CTXND2: variants seen among roughly 807,000 people sequenced by gnomAD.
The protein encoded by CTXND2 is cortexin domain containing 2.
intron 1 of CTXND2, among the ~76,000 whole-genome samples, chr1:150,900,743 T>C (rs756588994): frequency 2.0e-5 from 3 of 152,092 alleles, no homozygotes; most frequent in Non-Finnish European, 4.4e-5. Flanking sequence ...ATAAACAATA[T>C]TTAAAAATCG....
intron 1 of CTXND2, among the ~76,000 whole-genome samples, chr1:150,895,990 AT>A (rs1428732936): frequency 6.6e-6 from 1 of 152,050 alleles, no homozygotes; most frequent in Non-Finnish European, 1.5e-5. Flanking sequence ...GCTTCTCTTG[AT>A]TTCTGTCTGT....
chr1:150,907,443 G>C (rs949015507), intron 1 of CTXND2, among the ~76,000 whole-genome samples: 1 of 152,146 alleles, frequency 6.6e-6, no homozygotes, highest in Non-Finnish European at 1.5e-5. Flanking sequence ...TTTGTGACTT[G>C]TTTCTTTCAC....
exon 2 of CTXND2, chr1:150,912,651 A>C (rs1277867304): frequency 5.1e-6 from 2 of 393,956 alleles, no homozygotes; most frequent in Non-Finnish European, 8.9e-6. Flanking sequence ...TGGCTACTAA[A>C]GTGAGATAAA....
Position 150,897,964 on chromosome 1 carries a change from A to G in CTXND2, c.-74+10651A>G, listed in dbSNP as rs1240471499. ...AGCAGTTTAGCTCTGCATCATCCCA[A>G]TTAACTCTTTACCAAACAAGATTTT... On this transcript the variant is annotated intron_variant, in intron 1 of 1. Coordinates refer to ENST00000636087, the Ensembl canonical transcript of CTXND2. Among the ~76,000 whole-genome samples the G allele has an allele frequency of 3.9e-5, 6 of 152,178 alleles. No individual in the cohort carries two copies. In the East Asian group the frequency reaches 1.2e-3, roughly 29 times the overall value.
chr1:150,904,546 A>G (rs1352042625), intron 1 of CTXND2, among the ~76,000 whole-genome samples: 1 of 152,230 alleles, frequency 6.6e-6, no homozygotes, highest in Non-Finnish European at 1.5e-5. Flanking sequence ...ATTTAGATTT[A>G]TATAACTGGT....
At position 150,889,378 on chromosome 1, in the gene CTXND2, C is replaced by T. The variant is rs587739420; in HGVS notation, c.-74+2065C>T. On this transcript the variant is annotated intron_variant, in intron 1 of 1. Transcript: ENST00000636087. ...TCGCACCACTGCACTCCAGCCTGGG[C>T]GACACAGCAAGACTCTGTCTCAAAA... Among the ~76,000 whole-genome samples the T allele has an allele frequency of 7.6e-5, 11 of 144,236 alleles. No homozygotes were observed. The South Asian group carries it at 1.5e-3, about 20-fold the overall frequency. The allele number at this position is 144,236 out of a possible 152,430, so 94.6% of individuals were successfully genotyped here. A position where few individuals can be genotyped will look rare whatever the true frequency, so the allele number is the denominator to read the frequency against.
At chr1:150,909,896 A>C (rs1295407337) in intron 1 of CTXND2, among the ~76,000 whole-genome samples, 3 of 152,156 alleles carry the variant, frequency 2.0e-5, no homozygotes, top group Non-Finnish European at 4.4e-5. Context: ...GAAGAAATGT[A>C]ACAATGTGTA....
chr1:150,890,419 G>A, intron 1 of CTXND2, among the ~76,000 whole-genome samples: 1 of 152,202 alleles, frequency 6.6e-6, no homozygotes, highest in East Asian at 1.9e-4. Flanking sequence ...CACACAAGGA[G>A]CTCAAGCAGG....
chr1:150,900,783 A>G (rs1669004557), intron 1 of CTXND2, among the ~76,000 whole-genome samples: 1 of 152,228 alleles, frequency 6.6e-6, no homozygotes, highest in Admixed American at 6.5e-5. Flanking sequence ...CATTCAATAG[A>G]AAAAGAGACA....
At chr1:150,905,701 A>G (rs1669130968) in intron 1 of CTXND2, among the ~76,000 whole-genome samples, 1 of 152,024 alleles carries the variant, frequency 6.6e-6, no homozygotes, top group African/African-American at 2.4e-5. Context: ...AGTATATATA[A>G]AGAATAAGGC....
chr1:150,889,666 G>A (rs1203407645), intron 1 of CTXND2, among the ~76,000 whole-genome samples: 1 of 151,934 alleles, frequency 6.6e-6, no homozygotes, highest in African/African-American at 2.4e-5. Context: ...TCACCCTATA[G>A]TGTGTGTTAG....
chr1:150,910,827 C>G (rs1669242506), intron 1 of CTXND2, among the ~76,000 whole-genome samples: 1 of 150,978 alleles, frequency 6.6e-6, no homozygotes, highest in African/African-American at 2.4e-5. Flanking sequence ...TTTTTTGAGA[C>G]AGAGTCTCGC....
In CTXND2 at chr1:150,902,220, T is replaced by C. The variant is rs1198931123; in HGVS notation, c.-73-10022T>C. Among the ~76,000 whole-genome samples, 6 of 152,068 alleles carry C rather than the reference T, an allele frequency of 3.9e-5. No homozygotes were observed. In the East Asian group the frequency reaches 1.2e-3, roughly 29 times the overall value. On this transcript the variant is annotated intron_variant, in intron 1 of 1. Transcript: ENST00000636087. ...ATTGAGACCATCCTGGATAACACAGTGAAACCCCGTCTCTACTAAAAATAT... is the reference window on the plus strand; with the variant it reads ...ATTGAGACCATCCTGGATAACACAGCGAAACCCCGTCTCTACTAAAAATAT...
intron 1 of CTXND2, among the ~76,000 whole-genome samples, chr1:150,900,174 T>C (rs587714045): frequency 3.3e-5 from 5 of 152,308 alleles, no homozygotes; most frequent in Admixed American, 3.3e-4. Flanking sequence ...TCTTTGGGTC[T>C]GCACTACCTT....
In CTXND2 at chr1:150,908,581, T is replaced by G. The variant is rs145947983; in HGVS notation, c.-73-3661T>G. Among the ~76,000 whole-genome samples, 7 of 152,248 alleles carry G rather than the reference T, an allele frequency of 4.6e-5. No individual in the cohort carries two copies. The East Asian group carries it at 9.7e-4, about 21-fold the overall frequency. On this transcript the variant is annotated intron_variant, in intron 1 of 1. Transcript: ENST00000636087. ...CCTTATGCAGAAAAAGAAATTTCTA[T>G]TCATATCCTTTGCCTAATTTTTAAT...
chr1:150,906,120 A>G (rs1669141706), intron 1 of CTXND2, among the ~76,000 whole-genome samples: 1 of 151,916 alleles, frequency 6.6e-6, no homozygotes, highest in Non-Finnish European at 1.5e-5. Flanking sequence ...GCATCATAGT[A>G]AGGCCTCGTC....
At chr1:150,904,435 G>A (rs1011278240) in intron 1 of CTXND2, among the ~76,000 whole-genome samples, 1 of 152,126 alleles carries the variant, frequency 6.6e-6, no homozygotes, top group African/African-American at 2.4e-5. Context: ...TGCTATCACT[G>A]TTTACCCCTT....
At chr1:150,912,292 A>C in exon 2 of CTXND2, 1 of 398,604 alleles carries the variant, frequency 2.5e-6, no homozygotes, top group Non-Finnish European at 4.4e-6. Flanking sequence ...GAGCTGGACA[A>C]CAGTAACGAG....
intron 1 of CTXND2, among the ~76,000 whole-genome samples, chr1:150,890,177 G>A (rs1200277385): frequency 1.3e-5 from 2 of 152,066 alleles, no homozygotes; most frequent in Non-Finnish European, 2.9e-5. Context: ...GTAGAAAAAG[G>A]GTAGAGTGGT....
Sources: allele counts gnomAD v4.1 joint callset (sites outside exome capture counted in the v4.1 genomes callset), GRCh38; gene constraint gnomAD v4.1.1; transcripts MANE v1.5; gene names NCBI Gene and HGNC (gene_info 2026-07-23, HGNC 2026-07-21).